Variants in TFEB observed in about 807,000 individuals in gnomAD.
TFEB encodes transcription factor EB.
A neutral mutation model predicts 48.0 loss-of-function variants in TFEB; 12 were observed. The observed-to-expected ratio is 0.25, with a 90% CI of 0.16 to 0.40. TFEB has a LOEUF of 0.40. TFEB is among the 10% of genes least tolerant of loss of function. The probability of loss-of-function intolerance (pLI) is 1.00; values close to 1 mark genes in which losing one functional copy is unlikely to be tolerated. For synonymous variants in TFEB, 244 were observed against 261.4 expected (o/e 0.93, Z 0.64); for missense variants, 509 against 640.3 (o/e 0.79, Z 2.21).
chr6:41,687,698 G>T (rs1261190197), intron 6 of TFEB, 55 bp downstream of exon 6: 31 of 1,610,724 alleles, frequency 1.9e-5, no homozygotes, highest in Non-Finnish European at 2.6e-5. Flanking sequence ...TTTTTAGCCA[G>T]CCCAGGTGAG....
upstream of TFEB, chr6:41,736,097 A>G: frequency 6.2e-7 from 1 of 1,611,984 alleles, no homozygotes; most frequent in Non-Finnish European, 8.5e-7. Context: ...ATATGACAGT[A>G]GAAGGCAGCC....
intron 1 of TFEB, chr6:41,705,842 G>A (rs35985639): frequency 0.13 from 20,008 of 152,182 alleles, 1,429 homozygotes; most frequent in East Asian, 0.21. Flanking sequence ...AAAGGCCCTC[G>A]GCCCCAAAAT....
At chr6:41,692,003 T>G (rs1769345508) in intron 1 of TFEB, among the ~76,000 whole-genome samples, 1 of 152,086 alleles carries the variant, frequency 6.6e-6, no homozygotes, top group Admixed American at 6.5e-5. Context: ...CCAGATGACA[T>G]CATGGCTCAC....
At chr6:41,686,388 A>G in intron 7 of TFEB, 151 bp from the exon 8 acceptor site, 1 of 946,020 alleles carries the variant, frequency 1.1e-6, no homozygotes, top group Non-Finnish European at 1.6e-6. Context: ...CTCAGTTTGC[A>G]CAGAATGGGC....
At chr6:41,685,652 A>G (rs1447135890) in intron 8 of TFEB, among the ~76,000 whole-genome samples, 4 of 152,186 alleles carry the variant, frequency 2.6e-5, no homozygotes, top group African/African-American at 9.6e-5. Context: ...GGAGATTCCT[A>G]GTGCCACCCA....
intron 6 of TFEB, 114 bp downstream of exon 6, chr6:41,687,639 A>C: frequency 5.2e-6 from 7 of 1,348,370 alleles, no homozygotes; most frequent in Non-Finnish European, 7.3e-6. Flanking sequence ...CTGCAAGTGA[A>C]TTGGCCTTGA....
intron 1 of TFEB, among the ~76,000 whole-genome samples, chr6:41,707,066 G>T (rs767361718): frequency 4.6e-5 from 7 of 151,930 alleles, no homozygotes; most frequent in Non-Finnish European, 8.8e-5. Flanking sequence ...CAGCCCCAAG[G>T]CTCAGAGCTG....
intron 1 of TFEB, among the ~76,000 whole-genome samples, chr6:41,700,644 G>T (rs796100174): frequency 1.3e-5 from 2 of 152,168 alleles, no homozygotes; most frequent in Non-Finnish European, 2.9e-5. Context: ...CTGCAGGGCT[G>T]GGGGCAGGGG....
At chr6:41,731,937 G>A (rs778698242) in intron 1 of TFEB, among the ~76,000 whole-genome samples, 5 of 152,236 alleles carry the variant, frequency 3.3e-5, no homozygotes, top group Middle Eastern at 3.2e-3. Context: ...CCAGCCGGAG[G>A]TCCTTTGGTC....
At chr6:41,685,163 C>G in intron 8 of TFEB, 85 bp from the exon 9 acceptor site, 1 of 1,362,200 alleles carries the variant, frequency 7.3e-7, no homozygotes, top group Admixed American at 3.7e-5. Context: ...TATCACAGCA[C>G]TTGCCCCTGC....
chr6:41,694,239 A>G (rs1339489851), intron 1 of TFEB, among the ~76,000 whole-genome samples: 3 of 152,186 alleles, frequency 2.0e-5, no homozygotes, highest in African/African-American at 7.2e-5. Context: ...TCTCATCTGC[A>G]CAATGGACTT....
In TFEB at chr6:41,724,012, C is replaced by T; in HGVS notation, c.-23+11338G>A. 1 of 467,192 alleles carries T rather than the reference C, an allele frequency of 2.1e-6. No homozygotes were observed. The highest frequency in any genetic ancestry group is 2.3e-5 in the Admixed American group (1 of 43,792). 28.9% of individuals were successfully genotyped at this position (467,192 alleles called of 1,614,324 possible). ...CTGGCCATACACCTGCAGTCTTGGC[C>T]TTGGGCCTTCCCAGGGCCTCCAGAC... On this transcript the variant is annotated intron_variant, in intron 1 of 8. Coordinates refer to ENST00000373033, the MANE Select transcript of TFEB (RefSeq NM_001271944.2). The surrounding 1 kb of genome is among the most constrained non-coding windows in gnomAD (Gnocchi z 4.4).
chr6:41,690,018 C>G (rs535036337), intron 3 of TFEB, among the ~76,000 whole-genome samples: 2 of 152,208 alleles, frequency 1.3e-5, no homozygotes, highest in African/African-American at 4.8e-5. Flanking sequence ...TGCCAAGGAG[C>G]CTACCTGCCC....
At position 41,714,110 on chromosome 6, in the gene TFEB, CGTGT is replaced by C. The variant is rs70987525; in HGVS notation, c.-23+21236_-23+21239del. Among the ~76,000 whole-genome samples the C allele has an allele frequency of 4.0e-4, 57 of 144,298 alleles. 1 individual carries two copies. The highest frequency in any genetic ancestry group is 8.5e-4 in the African/African-American group (32 of 37,640). 94.7% of individuals were successfully genotyped at this position (144,298 alleles called of 152,430 possible). On this transcript the variant is annotated intron_variant, in intron 1 of 8. Transcript: ENST00000373033. ...TCCTGTGTGTGCGTGTGTGTGTGCA[CGTGT>C]GTGTGTGTGTGCGTGTGCATGTGTG...
intron 1 of TFEB, among the ~76,000 whole-genome samples, chr6:41,702,252 C>G (rs1364300831): frequency 6.6e-6 from 1 of 152,178 alleles, no homozygotes; most frequent in Non-Finnish European, 1.5e-5. Flanking sequence ...GCTAAATAGC[C>G]AAGACATCCA....
At chr6:41,699,478 T>C (rs1769780785) in intron 1 of TFEB, among the ~76,000 whole-genome samples, 1 of 152,232 alleles carries the variant, frequency 6.6e-6, no homozygotes, top group African/African-American at 2.4e-5. Flanking sequence ...TCAGGCCAGC[T>C]TTTCCTATTA....
At chr6:41,685,660 C>T (rs1326037300) in intron 8 of TFEB, among the ~76,000 whole-genome samples, 2 of 152,164 alleles carry the variant, frequency 1.3e-5, no homozygotes, top group Non-Finnish European at 2.9e-5. Flanking sequence ...CTAGTGCCAC[C>T]CACCAAATGA....
At position 41,690,913 on chromosome 6, in the gene TFEB, T is replaced by C; in HGVS notation, c.218A>G (p.Gln73Arg). The C allele has an allele frequency of 6.3e-7, 1 of 1,582,000 alleles. No homozygotes were observed. Among genetic ancestry groups the C allele is most frequent in the Non-Finnish European group, 8.6e-7 (1 of 1,158,990 alleles). The change falls in exon 3 of 9, where the codon CAG (glutamine) becomes CGG (arginine). Residue 73 changes from glutamine (Q) to arginine (R), a missense_variant. Physicochemically the swap from Gln to Arg is conservative, Grantham distance 43 (BLOSUM62 1). This residue lies in a region of TFEB where 251 missense variants were observed against 317.2 expected (regional missense o/e 0.79). Coordinates refer to ENST00000373033, the MANE Select transcript of TFEB (RefSeq NM_001271944.2). ...GGATGTGGGATTCTCCAGGTAGGAC[T>C]GCACCTGGGAGGGGGAAAAGGCAAG... ...PPVPGEVLKV[Q>R]SYLENPTSYH...
intron 1 of TFEB, among the ~76,000 whole-genome samples, chr6:41,709,575 T>C (rs1430733352): frequency 7.5e-6 from 1 of 133,728 alleles, no homozygotes; most frequent in Non-Finnish European, 1.6e-5. Flanking sequence ...ATGGATATAA[T>C]GGATGCATGC....
Sources: gnomAD v4.1 joint callset for allele counts (sites outside exome capture counted in the v4.1 genomes callset) on GRCh38, gnomAD v4.1.1 for gene constraint, gnomAD v4.1.1 regional missense constraint, Gnocchi (gnomAD v3.1) non-coding constraint, MANE v1.5 for transcripts, NCBI Gene and HGNC (gene_info 2026-07-23, HGNC 2026-07-21) for gene names.